The following EGFLAM variants were observed in gnomAD, a reference collection of about 807,000 sequenced individuals.
The protein encoded by EGFLAM is EGF like, fibronectin type III and laminin G domains, also known as pikachurin.
In EGFLAM, 79 loss-of-function variants were observed where a neutral mutation model predicts 113.1. The ratio of observed to expected loss-of-function variants is 0.70; its 90% CI spans 0.58 to 0.84. The LOEUF (loss-of-function observed/expected upper bound fraction) is 0.84, where lower values mean the gene tolerates loss of function less well. EGFLAM is among the 40% of genes least tolerant of loss of function. The pLI is 0.00. For missense variants in EGFLAM, 1,265 were observed against 1,291.6 expected (o/e 0.98, Z 0.32); for synonymous variants, 504 against 487.6 (o/e 1.03, Z -0.44).
intron 6 of EGFLAM, 24 bp from the exon 7 acceptor site, chr5:38,406,102 G>C (rs932645494): frequency 1.3e-6 from 2 of 1,585,098 alleles, no homozygotes; most frequent in African/African-American, 2.7e-5. Flanking sequence ...GCTGATGAAG[G>C]GTGTGCTGCT....
intron 1 of EGFLAM, among the ~76,000 whole-genome samples, chr5:38,307,853 A>C (rs905076227): frequency 1.3e-5 from 2 of 152,206 alleles, no homozygotes; most frequent in Admixed American, 1.3e-4. Flanking sequence ...TTTTGACCCC[A>C]GAGTTACAGT....
chr5:38,269,481 A>C (rs1024588890), intron 1 of EGFLAM, among the ~76,000 whole-genome samples: 6 of 146,034 alleles, frequency 4.1e-5, no homozygotes, highest in East Asian at 2.0e-4. Context: ...TGGTTGAACC[A>C]CTTTTCTTTT....
intron 1 of EGFLAM, among the ~76,000 whole-genome samples, chr5:38,332,682 G>A (rs536257666): frequency 3.0e-4 from 46 of 152,292 alleles, no homozygotes; most frequent in African/African-American, 1.0e-3. Flanking sequence ...TGTTCCTTAT[G>A]GGAAACAAAG....
At chr5:38,288,561 G>T (rs2111781612) in intron 1 of EGFLAM, among the ~76,000 whole-genome samples, 1 of 152,252 alleles carries the variant, frequency 6.6e-6, no homozygotes, top group East Asian at 1.9e-4. Flanking sequence ...TAAGATTTGA[G>T]AGTGGAGTTT....
intron 1 of EGFLAM, among the ~76,000 whole-genome samples, chr5:38,316,078 A>C (rs1247771958): frequency 1.4e-5 from 2 of 145,032 alleles, no homozygotes; most frequent in African/African-American, 5.2e-5. Flanking sequence ...CTCTGTCCCA[A>C]AAAAAAAAAA....
intron 6 of EGFLAM, chr5:38,404,038 C>T: frequency 6.7e-7 from 1 of 1,494,118 alleles, no homozygotes. Context: ...CCCCTGAGAA[C>T]AGCTCACTCC....
chr5:38,326,294 A>T (rs1304011026), intron 1 of EGFLAM, among the ~76,000 whole-genome samples: 1 of 152,194 alleles, frequency 6.6e-6, no homozygotes, highest in African/African-American at 2.4e-5. Context: ...CAGGACATAG[A>T]GAGCAAAACA....
chr5:38,306,528 G>A (rs1342217738), intron 1 of EGFLAM, among the ~76,000 whole-genome samples: 2 of 152,138 alleles, frequency 1.3e-5, no homozygotes, highest in East Asian at 3.8e-4. Context: ...GAATTGCAGT[G>A]GCAGCTATTG....
intron 17 of EGFLAM, among the ~76,000 whole-genome samples, chr5:38,447,008 C>T (rs553796254): frequency 2.6e-5 from 4 of 152,154 alleles, no homozygotes; most frequent in African/African-American, 9.6e-5. Flanking sequence ...TCTTATTCTC[C>T]CTCATTTTGT....
At chr5:38,326,356 C>T (rs887868160) in intron 1 of EGFLAM, among the ~76,000 whole-genome samples, 2 of 152,148 alleles carry the variant, frequency 1.3e-5, no homozygotes, top group African/African-American at 4.8e-5. Flanking sequence ...TAGAGAGGAG[C>T]GAATGGCCGC....
At chr5:38,439,632 G>C (rs1221697614) in intron 17 of EGFLAM, among the ~76,000 whole-genome samples, 1 of 152,160 alleles carries the variant, frequency 6.6e-6, no homozygotes, top group Non-Finnish European at 1.5e-5. Context: ...TATTTCTTAT[G>C]TTTAAATGAA....
chr5:38,459,306 CT>C (rs112663041), intron 20 of EGFLAM, among the ~76,000 whole-genome samples: 14,713 of 145,042 alleles, frequency 0.1, 2,256 homozygotes, highest in African/African-American at 0.34. Context: ...CACCTGGCCA[CT>C]TTTTTTTTTT....
chr5:38,283,866 A>G (rs1758086077), intron 1 of EGFLAM: 1 of 152,238 alleles, frequency 6.6e-6, no homozygotes, highest in Non-Finnish European at 1.5e-5. Context: ...CCATGCCTGG[A>G]GAAAGGAATG....
chr5:38,329,899 G>A (rs1738996412), intron 1 of EGFLAM, among the ~76,000 whole-genome samples: 1 of 152,142 alleles, frequency 6.6e-6, no homozygotes, highest in South Asian at 2.1e-4. Flanking sequence ...TGCCTGGTAT[G>A]TATAGGGTGC....
intron 1 of EGFLAM, among the ~76,000 whole-genome samples, chr5:38,330,750 CTGGTTATTTTA>C (rs1739019748): frequency 6.6e-6 from 1 of 152,170 alleles, no homozygotes; most frequent in Non-Finnish European, 1.5e-5. Context: ...GCTGTGCTTA[CTGGTTATTTTA>C]TGGTTCTACA....
Position 38,337,639 on chromosome 5 carries a change from C to G in EGFLAM, c.207+10C>G. The G allele has an allele frequency of 6.3e-7, 1 of 1,584,678 alleles. No individual in the cohort carries two copies. The highest frequency in any genetic ancestry group is 1.7e-5 in the Admixed American group (1 of 57,638). ...CATCCTTGGGTACACTGTGAGTACACGGGCATGGGAGTTTCCTCGGTGGGT... is the reference window on the plus strand; with the variant it reads ...CATCCTTGGGTACACTGTGAGTACAGGGGCATGGGAGTTTCCTCGGTGGGT... On this transcript the variant is annotated intron_variant, in intron 2 of 21. Coordinates refer to ENST00000322350, the MANE Select transcript of EGFLAM (RefSeq NM_152403.4).
At chr5:38,404,005 A>C (rs2112119263) in intron 6 of EGFLAM, 1 of 1,585,606 alleles carries the variant, frequency 6.3e-7, no homozygotes. Context: ...TTGTTATCCC[A>C]CCTCCACCAA....
At chr5:38,391,994 G>T (rs899970829) in intron 6 of EGFLAM, among the ~76,000 whole-genome samples, 4 of 151,942 alleles carry the variant, frequency 2.6e-5, no homozygotes, top group Non-Finnish European at 5.9e-5. Flanking sequence ...ACATGTGAAG[G>T]TTTGTTACAC....
chr5:38,333,955 C>CTTT (rs1739119996), intron 1 of EGFLAM, among the ~76,000 whole-genome samples: 1 of 52,310 alleles, frequency 1.9e-5, no homozygotes. Flanking sequence ...TGGAGTTTTG[C>CTTT]TCTTTTCACC....
Sources: gnomAD v4.1 joint callset for allele counts (sites outside exome capture counted in the v4.1 genomes callset) on GRCh38, gnomAD v4.1.1 for gene constraint, MANE v1.5 for transcripts, NCBI Gene and HGNC (gene_info 2026-07-23, HGNC 2026-07-21) for gene names.